The following SLAMF6 variants were observed in gnomAD, a reference collection of about 807,000 sequenced individuals.
SLAMF6 encodes NK-T-B-antigen.
In SLAMF6, 21 loss-of-function variants were observed where a neutral mutation model predicts 38.3. The observed-to-expected ratio is 0.55, with a 90% CI of 0.39 to 0.79. The LOEUF is 0.79. Ranked by LOEUF, SLAMF6 falls within the 30% of genes least tolerant of loss-of-function variation. The probability of loss-of-function intolerance (pLI) is 0.00; values close to 1 mark genes in which losing one functional copy is unlikely to be tolerated. For missense variants in SLAMF6, 341 were observed against 385.3 expected, an observed-to-expected ratio of 0.89 and a Z score of 0.96; for synonymous variants, 152 against 146.3, an observed-to-expected ratio of 1.04 and a Z score of -0.28.
chr1:160,489,295 A>G (rs1282880441), intron 5 of SLAMF6, 125 bp from the exon 6 acceptor site: 2 of 857,218 alleles, frequency 2.3e-6, no homozygotes, highest in African/African-American at 3.4e-5. Flanking sequence ...TCCTTTCCTG[A>G]GGGATCATTC....
At chr1:160,500,785 C>T (rs1043607286) in intron 1 of SLAMF6, among the ~76,000 whole-genome samples, 4 of 152,110 alleles carry the variant, frequency 2.6e-5, no homozygotes, top group Admixed American at 1.3e-4. Flanking sequence ...ATCTCCATCC[C>T]TTCTCTTGGA....
chr1:160,496,468 A>G (rs1285651712), intron 1 of SLAMF6, 75 bp from the exon 2 acceptor site: 7 of 1,435,440 alleles, frequency 4.9e-6, no homozygotes, highest in Non-Finnish European at 6.7e-6. Context: ...CTTTCACCTA[A>G]CGCTGCCAGT....
Position 160,485,627 on chromosome 1 carries a change from T to C in SLAMF6, c.*1080A>G, listed in dbSNP as rs1019099633. The C allele has an allele frequency of 6.6e-6, 1 of 152,168 alleles. No individual in the cohort carries two copies. Among genetic ancestry groups the C allele is most frequent in the Non-Finnish European group, 1.5e-5 (1 of 68,044 alleles). 9.4% of individuals were successfully genotyped at this position (152,168 alleles called of 1,614,324 possible). The stretch of plus-strand genomic sequence containing the variant: ...GAAACTGGATTTCTTTCTGAGTGCA[T>C]TGGGAAACCTGCAGGGTTTTAAGCA... On this transcript the variant is annotated 3_prime_UTR_variant, in exon 8 of 8. Coordinates refer to ENST00000368057, the MANE Select transcript of SLAMF6 (RefSeq NM_001184714.2).
rs757284590 is a variant in SLAMF6 at position 160,490,237 on chromosome 1, CTGAAAAATAA to C, written c.758-11_758-2del. ...CGCTGAGTAGACAAAGATAGGGAAT[CTGAAAAATAA>C]AACCAGAAAATTGAAATGTGTGACA... On this transcript the variant is annotated splice_acceptor_variant and splice_polypyrimidine_tract_variant and intron_variant, in intron 4 of 7. Coordinates refer to ENST00000368057, the MANE Select transcript of SLAMF6 (RefSeq NM_001184714.2). LOFTEE classifies it high-confidence loss of function. 1 of 1,613,626 alleles carries C rather than the reference CTGAAAAATAA, an allele frequency of 6.2e-7. No individual in the cohort carries two copies. The highest frequency in any genetic ancestry group is 1.1e-5 in the South Asian group (1 of 91,064).
chr1:160,490,206 T>C lies in SLAMF6; in HGVS notation c.788A>G (p.Gln263Arg). 1 of 1,613,738 alleles carries C rather than the reference T, an allele frequency of 6.2e-7. No individual in the cohort carries two copies. Among genetic ancestry groups the C allele is most frequent in the African/African-American group, 1.3e-5 (1 of 75,010 alleles). The change falls in exon 5 of 8, where the codon CAG becomes CGG. Residue 263 changes from glutamine to arginine, a missense_variant. Coordinates refer to ENST00000368057, the MANE Select transcript of SLAMF6 (RefSeq NM_001184714.2). Reference protein sequence around the residue: ...DSLSLSTQRTQGPAESARNLE... With the variant: ...DSLSLSTQRTRGPAESARNLE... ...AGAGTCTGAATGCTCACCGGGGCCC[T>C]GTGTTCGCTGAGTAGACAAAGATAG...
chr1:160,521,506 C>T (rs1430786667), intron 1 of SLAMF6, among the ~76,000 whole-genome samples: 1 of 152,138 alleles, frequency 6.6e-6, no homozygotes, highest in East Asian at 1.9e-4. Context: ...GAAGCAAAAA[C>T]TCAAGATTCT....
chr1:160,517,271 A>G (rs975179504), intron 1 of SLAMF6, among the ~76,000 whole-genome samples: 3 of 152,218 alleles, frequency 2.0e-5, no homozygotes, highest in Non-Finnish European at 2.9e-5. Context: ...GCTCAACATC[A>G]CTGATCATTA....
chr1:160,509,982 A>AT (rs1654391287), intron 1 of SLAMF6, among the ~76,000 whole-genome samples: 1 of 152,148 alleles, frequency 6.6e-6, no homozygotes, highest in Non-Finnish European at 1.5e-5. Flanking sequence ...AAATAACTAT[A>AT]TGCCAACAAA....
At chr1:160,503,343 A>T (rs1051458937) in intron 1 of SLAMF6, among the ~76,000 whole-genome samples, 6 of 152,002 alleles carry the variant, frequency 3.9e-5, no homozygotes, top group Non-Finnish European at 8.8e-5. Context: ...CTTGGTTGAC[A>T]CGCACCATTC....
intron 2 of SLAMF6, among the ~76,000 whole-genome samples, chr1:160,495,833 C>A (rs1653546594): frequency 6.6e-6 from 1 of 152,152 alleles, no homozygotes; most frequent in Admixed American, 6.5e-5. Context: ...TTGAAGAAGA[C>A]CATTTTATCG....
At chr1:160,494,479 T>A (rs1375009736) in intron 2 of SLAMF6, among the ~76,000 whole-genome samples, 1 of 152,146 alleles carries the variant, frequency 6.6e-6, no homozygotes, top group East Asian at 1.9e-4. Context: ...GGTTGAATAA[T>A]GACCTCAGAA....
chr1:160,505,043 G>C (rs1478415037), intron 1 of SLAMF6, among the ~76,000 whole-genome samples: 1 of 151,506 alleles, frequency 6.6e-6, no homozygotes, highest in Admixed American at 6.6e-5. Context: ...TTATTTATTT[G>C]TTTGTTTATT....
At chr1:160,507,389 A>G (rs1654243690) in intron 1 of SLAMF6, among the ~76,000 whole-genome samples, 1 of 152,158 alleles carries the variant, frequency 6.6e-6, no homozygotes, top group African/African-American at 2.4e-5. Flanking sequence ...AAATATATAA[A>G]GCAAACAGTA....
chr1:160,489,805 T>G (rs747330387), intron 5 of SLAMF6, among the ~76,000 whole-genome samples: 5 of 152,198 alleles, frequency 3.3e-5, no homozygotes, highest in Non-Finnish European at 7.3e-5. Context: ...TTCCACTGTG[T>G]CTATCCATTG....
rs201347626 is a variant in SLAMF6 at position 160,490,693 on chromosome 1, G to A, written c.647-8C>T. 1.2e-4 allele frequency: 190 copies of A among 1,609,774 alleles called. No homozygotes were observed. The African/African-American group carries it at 1.9e-3, about 16-fold the overall frequency. ...TATATTGAATTTTAACATCTGAAAA[G>A]AGAAAAAAGAAATGACATTTGAGAC... On this transcript the variant is annotated splice_polypyrimidine_tract_variant and splice_region_variant and intron_variant, in intron 3 of 7. Transcript: ENST00000368057.
chr1:160,514,422 C>G (rs541525704), intron 1 of SLAMF6, among the ~76,000 whole-genome samples: 1 of 152,268 alleles, frequency 6.6e-6, no homozygotes, highest in East Asian at 1.9e-4. Flanking sequence ...CTTTAACATC[C>G]ACTGTCAATA....
At chr1:160,509,114 G>A (rs1333179230) in intron 1 of SLAMF6, among the ~76,000 whole-genome samples, 1 of 152,186 alleles carries the variant, frequency 6.6e-6, no homozygotes. Context: ...AAAGGATCTA[G>A]AACTAGAAAT....
At position 160,488,965 on chromosome 1, in the gene SLAMF6, T is replaced by A; in HGVS notation, c.879+123A>T. Reference sequence around the variant, plus strand: ...CTAGCGCATAACTTTGCAGCCCCTGTCGCTGTGGCTGTCTTCTCCTCCCCT... The same window carrying A: ...CTAGCGCATAACTTTGCAGCCCCTGACGCTGTGGCTGTCTTCTCCTCCCCT... On this transcript the variant is annotated intron_variant, in intron 6 of 7. Coordinates refer to ENST00000368057, the MANE Select transcript of SLAMF6 (RefSeq NM_001184714.2). The A allele has an allele frequency of 3.6e-6, 3 of 838,026 alleles. No individual in the cohort carries two copies. The South Asian group carries it at 4.6e-5, about 13-fold the overall frequency. 51.9% of individuals were successfully genotyped at this position (838,026 alleles called of 1,614,324 possible). A position where few individuals can be genotyped will look rare whatever the true frequency, so the allele number is the denominator to read the frequency against.
chr1:160,496,444 C>A, intron 1 of SLAMF6, 51 bp from the exon 2 acceptor site: 4 of 1,569,110 alleles, frequency 2.5e-6, no homozygotes, highest in Non-Finnish European at 3.5e-6. Context: ...CATCTCCCTG[C>A]CAAGTCCTGC....
Sources: gnomAD v4.1 joint callset for allele counts (sites outside exome capture counted in the v4.1 genomes callset) on GRCh38, gnomAD v4.1.1 for gene constraint, MANE v1.5 for transcripts, NCBI Gene and HGNC (gene_info 2026-07-23, HGNC 2026-07-21) for gene names.